The following NBPF9 variants were observed in gnomAD, a reference collection of about 807,000 sequenced individuals.
The protein encoded by NBPF9 is NBPF family member NBPF9.
In NBPF9, 91 loss-of-function variants were observed where a neutral mutation model predicts 97.8. The ratio of observed to expected loss-of-function variants is 0.93; its 90% CI spans 0.79 to 1.11. The LOEUF (loss-of-function observed/expected upper bound fraction) is 1.11, where lower values mean the gene tolerates loss of function less well. Ranked by LOEUF, NBPF9 falls within the 50% of genes least tolerant of loss-of-function variation. The pLI, the probability that NBPF9 is intolerant of heterozygous loss-of-function variation, is 0.00. For synonymous variants in NBPF9, 334 were observed against 359.5 expected, an observed-to-expected ratio of 0.93 and a Z score of 0.80; for missense variants, 992 against 939.5, an observed-to-expected ratio of 1.06 and a Z score of -0.73.
intron 19 of NBPF9, among the ~76,000 whole-genome samples, chr1:149,064,216 AT>A (rs2078866008): frequency 7.1e-6 from 1 of 140,202 alleles, no homozygotes; most frequent in Non-Finnish European, 1.5e-5. Context: ...CTTTTGAGGT[AT>A]GGTCAACTTT....
Position 149,081,353 on chromosome 1 carries a change from C to T in NBPF9, c.175+612G>A, listed in dbSNP as rs1404750529. On this transcript the variant is annotated intron_variant, in intron 7 of 29. Transcript: ENST00000584027. ...CAGGCTAGTCTCAAACTGCTGACCT[C>T]GTGCTCTGCCCGCCTCAGCCTCCCA... 1.4e-3 allele frequency among the ~76,000 whole-genome samples: 210 copies of T among 152,024 alleles called. 2 individuals carry two copies. Among genetic ancestry groups the T allele is most frequent in the Admixed American group, 0.011 (173 of 15,276 alleles).
intron 5 of NBPF9, among the ~76,000 whole-genome samples, chr1:149,089,718 A>G (rs1430755643): frequency 1.3e-5 from 2 of 152,310 alleles, no homozygotes; most frequent in Non-Finnish European, 2.9e-5. Flanking sequence ...AGGAGTCAAG[A>G]TATTGTTATT....
chr1:149,072,907 G>C, exon 14 of NBPF9: 4 of 1,607,320 alleles, frequency 2.5e-6, no homozygotes, highest in Non-Finnish European at 2.6e-6. Context: ...TCTCGTTCCT[G>C]AGCGTGAACC....
exon 30 of NBPF9, chr1:149,055,686 C>A (rs782142017): frequency 5.6e-6 from 9 of 1,605,136 alleles, no homozygotes; most frequent in Non-Finnish European, 6.8e-6. Context: ...CCATCTGGAA[C>A]ACCAGGTGGA....
chr1:149,085,378 G>A (rs181324610), intron 5 of NBPF9, among the ~76,000 whole-genome samples: 1 of 152,074 alleles, frequency 6.6e-6, no homozygotes, highest in African/African-American at 2.4e-5. Context: ...TTTAAAATCA[G>A]GTTTGAAATC....
At position 149,081,948 on chromosome 1, in the gene NBPF9, G is replaced by A. The variant is rs1488384895; in HGVS notation, c.175+17C>T. On this transcript the variant is annotated intron_variant, in intron 7 of 29. Transcript: ENST00000584027. The stretch of plus-strand genomic sequence containing the variant: ...CATCATTCATCACTTTCATGACGGT[G>A]AGCCTATAGATCTTACTGTATTTCT... The A allele has an allele frequency of 1.2e-5, 19 of 1,531,148 alleles. No individual in the cohort carries two copies. In the East Asian group the frequency reaches 1.8e-4, roughly 15 times the overall value. 94.8% of individuals were successfully genotyped at this position (1,531,148 alleles called of 1,614,324 possible).
intron 23 of NBPF9, chr1:149,060,977 A>T: frequency 2.4e-6 from 1 of 417,150 alleles, no homozygotes; most frequent in Non-Finnish European, 4.3e-6. Context: ...TGACACACTG[A>T]TGAGGGAGTA....
exon 7 of NBPF9, chr1:149,082,060 T>A: frequency 6.2e-7 from 1 of 1,611,116 alleles, no homozygotes. Flanking sequence ...CTCTGCCAAC[T>A]GGGGGCGCAA....
In NBPF9 at chr1:149,077,858, C is replaced by T. The variant is rs1310335872; in HGVS notation, c.566+25G>A. ...CATCTTCATATGTTACCACCCATTA[C>T]TTGCTCCTGAGTATTCAGTGTTACC... On this transcript the variant is annotated intron_variant, in intron 10 of 29. Transcript: ENST00000584027. The T allele has an allele frequency of 9.2e-5, 146 of 1,588,002 alleles. 5 individuals are homozygous for T. The highest frequency in any genetic ancestry group is 1.1e-4 in the Non-Finnish European group (133 of 1,158,280).
At chr1:149,075,617 G>C in intron 12 of NBPF9, 38 bp downstream of exon 12, 1 of 1,361,032 alleles carries the variant, frequency 7.3e-7, no homozygotes, top group Non-Finnish European at 1.0e-6. Context: ...ACAGGACGTC[G>C]TTCATCACTT....
chr1:149,063,570 A>T (rs2078786646), intron 20 of NBPF9, 63 bp downstream of exon 20: 1 of 616,188 alleles, frequency 1.6e-6, no homozygotes, highest in East Asian at 3.8e-5. Context: ...CACTTGCAGT[A>T]GGAATATGAC....
chr1:149,065,676 A>G, exon 18 of NBPF9: 2 of 1,598,918 alleles, frequency 1.3e-6, no homozygotes, highest in Non-Finnish European at 1.7e-6. Flanking sequence ...TCCTCTTCAG[A>G]CTCCTGCAGA....
rs1361244498 is a variant in NBPF9, at chr1:149,061,094, G to C, written c.2303+238C>G. The C allele has an allele frequency of 4.8e-6, 2 of 414,120 alleles. 1 individual carries two copies. Among genetic ancestry groups the C allele is most frequent in the Admixed American group, 8.1e-5 (2 of 24,732 alleles). 25.7% of individuals were successfully genotyped at this position (414,120 alleles called of 1,614,324 possible). A position where few individuals can be genotyped will look rare whatever the true frequency, so the allele number is the denominator to read the frequency against. On this transcript the variant is annotated intron_variant, in intron 23 of 29. Transcript: ENST00000584027. ...AATGTGCTCAAATTTCCATGCAGTCGCCATGAGAATAGAGTTTTTGAAGTC... is the reference window on the plus strand; with the variant it reads ...AATGTGCTCAAATTTCCATGCAGTCCCCATGAGAATAGAGTTTTTGAAGTC...
chr1:149,084,119 A>G (rs1395350287), intron 5 of NBPF9, among the ~76,000 whole-genome samples: 1 of 150,928 alleles, frequency 6.6e-6, no homozygotes, highest in Non-Finnish European at 1.5e-5. Flanking sequence ...ACTTGGACAC[A>G]GGACGGGGAA....
rs1236189030 is a variant in NBPF9, at chr1:149,062,345, A to G, written c.2079-80T>C. On this transcript the variant is annotated intron_variant, in intron 21 of 29. Transcript: ENST00000584027. ...GCCCCAGCTAGATTTCATGGCTAACATAAGGAACTGTTTAAAAAGAAAAAG... is the reference window on the plus strand; with the variant it reads ...GCCCCAGCTAGATTTCATGGCTAACGTAAGGAACTGTTTAAAAAGAAAAAG... The G allele has an allele frequency of 8.1e-6, 5 of 618,098 alleles. No homozygotes were observed. The East Asian group carries it at 1.4e-4, about 17-fold the overall frequency. The allele number at this position is 618,098 out of a possible 1,614,324, so 38.3% of individuals were successfully genotyped here. A position where few individuals can be genotyped will look rare whatever the true frequency, so the allele number is the denominator to read the frequency against.
chr1:149,061,930 G>A lies in NBPF9; in HGVS notation c.2251+163C>T. On this transcript the variant is annotated intron_variant, in intron 22 of 29. Coordinates refer to ENST00000584027, the Ensembl canonical transcript of NBPF9. ...GCTCACTGACCCATTTCATGTCTAG[G>A]CTTCCAGCTGAGACTACAGTTTCAT... The A allele has an allele frequency of 4.2e-6, 2 of 474,224 alleles. 1 individual carries two copies. The highest frequency in any genetic ancestry group is 7.5e-6 in the Non-Finnish European group (2 of 267,246). 29.4% of individuals were successfully genotyped at this position (474,224 alleles called of 1,614,324 possible). A position where few individuals can be genotyped will look rare whatever the true frequency, so the allele number is the denominator to read the frequency against.
At chr1:149,075,974 G>T in intron 11 of NBPF9, 110 bp from the exon 12 acceptor site, 1 of 1,034,710 alleles carries the variant, frequency 9.7e-7, no homozygotes. Context: ...ATTTGAAGAT[G>T]TTGTTTCCCT....
At chr1:149,101,105 G>A (rs2082116721) in intron 3 of NBPF9, among the ~76,000 whole-genome samples, 157 bp downstream of exon 3, 2 of 150,976 alleles carry the variant, frequency 1.3e-5, no homozygotes, top group Non-Finnish European at 3.0e-5. Flanking sequence ...AAGAATCTCA[G>A]GCTGGGTGCA....
In NBPF9 at chr1:149,089,425, C is replaced by T. The variant is rs376373520; in HGVS notation, c.-195+1328G>A. 3.9e-5 allele frequency among the ~76,000 whole-genome samples: 6 copies of T among 152,344 alleles called. No individual in the cohort carries two copies. The South Asian group carries it at 8.3e-4, about 21-fold the overall frequency. ...AGCAGGGAGGGAGAGGGAAGAAATACGGACCTCACCTTCCTCTCACTTCCA... is the reference window on the plus strand; with the variant it reads ...AGCAGGGAGGGAGAGGGAAGAAATATGGACCTCACCTTCCTCTCACTTCCA... On this transcript the variant is annotated intron_variant, in intron 5 of 29. Coordinates refer to ENST00000584027, the Ensembl canonical transcript of NBPF9.
Sources: gnomAD v4.1 joint callset for allele counts (sites outside exome capture counted in the v4.1 genomes callset) on GRCh38, gnomAD v4.1.1 for gene constraint, MANE v1.5 for transcripts, NCBI Gene and HGNC (gene_info 2026-07-23, HGNC 2026-07-21) for gene names.